COL21A1: variants seen among roughly 807,000 people sequenced by gnomAD.
COL21A1 encodes collagen type XXI alpha 1 chain.
A neutral mutation model predicts 137.9 loss-of-function variants in COL21A1; 149 were observed. The ratio of observed to expected loss-of-function variants is 1.08; its 90% CI spans 0.95 to 1.24. The LOEUF is 1.24. Ranked by LOEUF, COL21A1 falls within the 50% of genes most tolerant of loss-of-function variation. The pLI, the probability that COL21A1 is intolerant of heterozygous loss-of-function variation, is 0.00. For synonymous variants in COL21A1, 456 were observed against 391.5 expected, an observed-to-expected ratio of 1.16 and a Z score of -1.95; for missense variants, 1,167 against 1,158.4, an observed-to-expected ratio of 1.01 and a Z score of -0.11.
At chr6:56,292,812 G>A (rs1286792243) in intron 1 of COL21A1, among the ~76,000 whole-genome samples, 2 of 152,158 alleles carry the variant, frequency 1.3e-5, no homozygotes, top group African/African-American at 2.4e-5. Flanking sequence ...TCTAACTCAA[G>A]CTTAGATTGT....
intron 3 of COL21A1, 129 bp from the exon 4 acceptor site, chr6:56,171,257 A>T: frequency 5.9e-6 from 3 of 510,898 alleles, no homozygotes; most frequent in East Asian, 3.2e-5. Flanking sequence ...TATGTATACA[A>T]ATGTATAGTA....
intron 17 of COL21A1, among the ~76,000 whole-genome samples, chr6:56,089,255 C>G (rs1768558789): frequency 6.6e-6 from 1 of 152,162 alleles, no homozygotes; most frequent in South Asian, 2.1e-4. Flanking sequence ...ATATGCACTA[C>G]AGTTAATTTT....
chr6:56,239,303 T>C (rs1782111674), intron 1 of COL21A1, among the ~76,000 whole-genome samples: 2 of 152,182 alleles, frequency 1.3e-5, no homozygotes, highest in Admixed American at 1.3e-4. Flanking sequence ...TATCTCTCAC[T>C]TGTATAGGAA....
intron 1 of COL21A1, among the ~76,000 whole-genome samples, chr6:56,244,772 C>T (rs528987628): frequency 6.6e-6 from 1 of 152,252 alleles, no homozygotes; most frequent in South Asian, 2.1e-4. Flanking sequence ...CACTATTCAA[C>T]TTATCGCTAA....
chr6:56,294,305 AT>A (rs1307505433), intron 1 of COL21A1, among the ~76,000 whole-genome samples: 1 of 152,130 alleles, frequency 6.6e-6, no homozygotes, highest in Non-Finnish European at 1.5e-5. Flanking sequence ...CATTCCATAG[AT>A]TAAAAACTTT....
chr6:56,239,139 C>T (rs1484528885), intron 1 of COL21A1, among the ~76,000 whole-genome samples: 1 of 152,132 alleles, frequency 6.6e-6, no homozygotes, highest in Non-Finnish European at 1.5e-5. Flanking sequence ...TATTTTTTTG[C>T]ATTCACAAGG....
chr6:56,170,258 T>A (rs2152272231), intron 5 of COL21A1, among the ~76,000 whole-genome samples: 1 of 151,986 alleles, frequency 6.6e-6, no homozygotes, highest in South Asian at 2.1e-4. Context: ...AATATGGACT[T>A]TGACGTCAAC....
At chr6:56,343,343 T>G (rs1765512629) in intron 1 of COL21A1, among the ~76,000 whole-genome samples, 1 of 152,212 alleles carries the variant, frequency 6.6e-6, no homozygotes, top group Non-Finnish European at 1.5e-5. Context: ...CAGTCTAGTT[T>G]CATTGCCTGA....
intron 1 of COL21A1, among the ~76,000 whole-genome samples, chr6:56,279,868 C>A (rs1763752847): frequency 6.6e-6 from 1 of 152,154 alleles, no homozygotes; most frequent in African/African-American, 2.4e-5. Context: ...CTACCAACCT[C>A]CTTCAGTAAT....
At chr6:56,159,223 T>G (rs1157926235) in intron 9 of COL21A1, among the ~76,000 whole-genome samples, 1 of 152,214 alleles carries the variant, frequency 6.6e-6, no homozygotes, top group Non-Finnish European at 1.5e-5. Context: ...TCTACTGAAA[T>G]GCTATGATAG....
intron 1 of COL21A1, among the ~76,000 whole-genome samples, chr6:56,346,838 C>CA (rs1255663975): frequency 6.6e-6 from 1 of 152,008 alleles, no homozygotes; most frequent in Non-Finnish European, 1.5e-5. Context: ...GAGTTTCAGG[C>CA]AAAAAACAAT....
intron 3 of COL21A1, among the ~76,000 whole-genome samples, chr6:56,171,412 A>G (rs1268496314): frequency 1.3e-5 from 2 of 151,962 alleles, no homozygotes; most frequent in Non-Finnish European, 2.9e-5. Flanking sequence ...TATTGTCTTT[A>G]GCAAAAAATT....
chr6:56,304,095 G>T (rs913041560), intron 1 of COL21A1, among the ~76,000 whole-genome samples: 4 of 152,212 alleles, frequency 2.6e-5, no homozygotes, highest in African/African-American at 9.7e-5. Context: ...CTTGATCATG[G>T]TGGATAAGCT....
In COL21A1 at chr6:56,081,235, T is replaced by G. The variant is rs1178003179; in HGVS notation, c.1813-3662A>C. On this transcript the variant is annotated intron_variant, in intron 17 of 29. Coordinates refer to ENST00000244728, the MANE Select transcript of COL21A1 (RefSeq NM_030820.4). ...TTGTCCTCTTTCTCCATTGTAAGGC[T>G]TTTTCTTTTTTCTTTTTTTTTTTCT... Among the ~76,000 whole-genome samples the G allele has an allele frequency of 2.0e-5, 3 of 151,748 alleles. No homozygotes were observed. The East Asian group carries it at 5.8e-4, about 29-fold the overall frequency.
At chr6:56,058,889 C>T (rs1301107091) in intron 29 of COL21A1, among the ~76,000 whole-genome samples, 1 of 151,962 alleles carries the variant, frequency 6.6e-6, no homozygotes, top group Non-Finnish European at 1.5e-5. Flanking sequence ...GTGTTATACA[C>T]CAGATAAGCA....
chr6:56,097,289 T>A (rs957659421), intron 17 of COL21A1, among the ~76,000 whole-genome samples: 1 of 152,146 alleles, frequency 6.6e-6, no homozygotes, highest in African/African-American at 2.4e-5. Context: ...CCCAGTTTTT[T>A]ACCCACTAGA....
At chr6:56,378,146 G>GC (rs576528338) in intron 1 of COL21A1, among the ~76,000 whole-genome samples, 15 of 152,182 alleles carry the variant, frequency 9.9e-5, no homozygotes, top group Non-Finnish European at 1.8e-4. Flanking sequence ...CACATGCCCA[G>GC]CTGTGGCGGC....
intron 1 of COL21A1, among the ~76,000 whole-genome samples, chr6:56,327,402 C>T (rs373899273): frequency 6.6e-6 from 1 of 151,628 alleles, no homozygotes; most frequent in East Asian, 1.9e-4. Flanking sequence ...AAAATGTAAA[C>T]CTCGTACCAC....
chr6:56,366,198 A>G (rs1349147806), intron 1 of COL21A1, among the ~76,000 whole-genome samples: 2 of 152,116 alleles, frequency 1.3e-5, no homozygotes, highest in Non-Finnish European at 2.9e-5. Flanking sequence ...GGGAACGTGC[A>G]AAAAAGAACT....
Sources: allele counts gnomAD v4.1 joint callset (sites outside exome capture counted in the v4.1 genomes callset), GRCh38; gene constraint gnomAD v4.1.1; transcripts MANE v1.5; gene names NCBI Gene and HGNC (gene_info 2026-07-23, HGNC 2026-07-21).